Variants in BPNT1 observed in about 807,000 individuals in gnomAD.
BPNT1 encodes the protein 3'(2'), 5'-bisphosphate nucleotidase 1.
BPNT1 carries 28 observed loss-of-function variants against 36.9 expected under a neutral mutation model. The observed-to-expected ratio is 0.76, with a 90% CI of 0.56 to 1.04. BPNT1 has a LOEUF of 1.04. Among genes scored for constraint, BPNT1 ranks in the 50% least tolerant of loss-of-function variants. BPNT1 has a pLI of 0.00. For synonymous variants in BPNT1, 119 were observed against 130.9 expected, an observed-to-expected ratio of 0.91 and a Z score of 0.62; for missense variants, 313 against 372.9, an observed-to-expected ratio of 0.84 and a Z score of 1.32.
intron 7 of BPNT1, among the ~76,000 whole-genome samples, chr1:220,060,950 CT>C (rs1447953165): frequency 6.6e-6 from 1 of 152,092 alleles, no homozygotes; most frequent in Non-Finnish European, 1.5e-5. Flanking sequence ...TTGGGTTTGT[CT>C]AAAGACCTGG....
chr1:220,082,189 T>TAC (rs1655238190), intron 1 of BPNT1, among the ~76,000 whole-genome samples: 1 of 148,132 alleles, frequency 6.8e-6, no homozygotes, highest in African/African-American at 2.5e-5. Flanking sequence ...TTTATATATA[T>TAC]ATATATTTTG....
At position 220,058,799 on chromosome 1, in the gene BPNT1, G is replaced by A; in HGVS notation, c.*45C>T. On this transcript the variant is annotated 3_prime_UTR_variant, in exon 9 of 9. Transcript: ENST00000322067. ...CTGCCTCGGCCTCCCAAAGTGCTGG[G>A]ATTACAGGCATGAGCCACCGCGCCC... 6.3e-7 allele frequency: 1 copy of A among 1,582,488 alleles called. No individual in the cohort carries two copies. The highest frequency in any genetic ancestry group is 2.2e-5 in the East Asian group (1 of 44,500).
Position 220,059,004 on chromosome 1 carries a change from CATCA to C in BPNT1, c.779-16_779-13del, listed in dbSNP as rs1330057623. 1.2e-6 allele frequency: 2 copies of C among 1,612,440 alleles called. No individual in the cohort carries two copies. Among genetic ancestry groups the C allele is most frequent in the Non-Finnish European group, 1.7e-6 (2 of 1,179,110 alleles). On this transcript the variant is annotated splice_polypyrimidine_tract_variant and intron_variant, in intron 8 of 8. Coordinates refer to ENST00000322067, the MANE Select transcript of BPNT1 (RefSeq NM_006085.6). ...ATCGGTTAACTTGCCTATAGAAAAA[CATCA>C]ATCAATCAATCAAGTTAGTGGCTAA...
chr1:220,079,383 G>T (rs1397215232), intron 2 of BPNT1, among the ~76,000 whole-genome samples: 1 of 152,050 alleles, frequency 6.6e-6, no homozygotes, highest in East Asian at 1.9e-4. Flanking sequence ...CTCCCAAGTA[G>T]CTGGGATTAC....
chr1:220,074,183 A>C (rs1469162972), intron 2 of BPNT1, 112 bp from the exon 3 acceptor site: 3 of 914,496 alleles, frequency 3.3e-6, no homozygotes, highest in Non-Finnish European at 5.0e-6. Context: ...TTTTAGAGTC[A>C]TAGAACTTAA....
At chr1:220,073,189 A>C (rs1448207346) in intron 3 of BPNT1, among the ~76,000 whole-genome samples, 2 of 152,266 alleles carry the variant, frequency 1.3e-5, no homozygotes, top group Non-Finnish European at 2.9e-5. Context: ...GAGTTTAAAA[A>C]GAAAAGAATT....
At position 220,057,576 on chromosome 1, in the gene BPNT1, T is replaced by C. The variant is rs1340259710; in HGVS notation, c.*1268A>G. The C allele has an allele frequency of 1.0e-5, 2 of 191,930 alleles. No homozygotes were observed. The highest frequency in any genetic ancestry group is 1.1e-5 in the Non-Finnish European group (1 of 90,562). The allele number at this position is 191,930 out of a possible 1,614,324, so 11.9% of individuals were successfully genotyped here. A position where few individuals can be genotyped will look rare whatever the true frequency, so the allele number is the denominator to read the frequency against. On this transcript the variant is annotated 3_prime_UTR_variant, in exon 9 of 9. Transcript: ENST00000322067. ...TTAGCAGAATAATTTTAATAGTTTA[T>C]GTTATAATCTCTCATTGGAAGGAAT...
At chr1:220,060,435 C>T (rs1373634368) in intron 7 of BPNT1, among the ~76,000 whole-genome samples, 2 of 151,984 alleles carry the variant, frequency 1.3e-5, no homozygotes, top group African/African-American at 4.8e-5. Context: ...AAGACTGCAC[C>T]ACTTCACTCC....
chr1:220,084,910 C>G (rs1217344362), intron 1 of BPNT1, among the ~76,000 whole-genome samples: 1 of 151,778 alleles, frequency 6.6e-6, no homozygotes, highest in Non-Finnish European at 1.5e-5. Context: ...AAAGAGATTC[C>G]ACAAATCACT....
intron 1 of BPNT1, among the ~76,000 whole-genome samples, chr1:220,084,291 C>A (rs1360954900): frequency 6.6e-6 from 1 of 151,284 alleles, no homozygotes; most frequent in Non-Finnish European, 1.5e-5. Context: ...GAGATTGCGG[C>A]CACTACACTC....
At chr1:220,062,606 G>C (rs914737921) in intron 7 of BPNT1, 151 bp downstream of exon 7, 2 of 755,280 alleles carry the variant, frequency 2.6e-6, no homozygotes, top group Admixed American at 2.6e-5. Flanking sequence ...ATAAACATAC[G>C]TGTGCATGTG....
intron 1 of BPNT1, among the ~76,000 whole-genome samples, chr1:220,081,753 G>A (rs1367963271): frequency 6.6e-6 from 1 of 151,870 alleles, no homozygotes; most frequent in African/African-American, 2.4e-5. Context: ...GAGATTTAAA[G>A]GCCATTTCCT....
At chr1:220,066,252 G>C (rs1663523864) in intron 6 of BPNT1, 1 of 494,442 alleles carries the variant, frequency 2.0e-6, no homozygotes, top group Non-Finnish European at 3.4e-6. Context: ...TGCCCCTTTT[G>C]AAAGTAATAG....
At chr1:220,073,293 T>G (rs1269793268) in intron 3 of BPNT1, among the ~76,000 whole-genome samples, 4 of 152,054 alleles carry the variant, frequency 2.6e-5, no homozygotes, top group Non-Finnish European at 4.4e-5. Flanking sequence ...TTTCTTTTTT[T>G]ATTTTTTTTT....
At position 220,062,894 on chromosome 1, in the gene BPNT1, C is replaced by T. The variant is rs1452645227; in HGVS notation, c.535G>A (p.Gly179Arg). 1 of 1,614,126 alleles carries T rather than the reference C, an allele frequency of 6.2e-7. No homozygotes were observed. Among genetic ancestry groups the T allele is most frequent in the Admixed American group, 1.7e-5 (1 of 59,998 alleles). The change falls in exon 7 of 9, where the codon GGG (glycine) becomes AGG (arginine). Residue 179 changes from glycine to arginine, a missense_variant. Gly to Arg is a moderately radical substitution (Grantham distance 125). Coordinates refer to ENST00000322067, the MANE Select transcript of BPNT1 (RefSeq NM_006085.6). ...IWGVLGLGAF[G>R]FQLKEVPAGK... is the part of the protein sequence containing the mutation. ...GCAGGGACTTCTTTCAGCTGAAACC[C>T]AAAGGCGCCTAAACCTAAAACTCCC...
intron 7 of BPNT1, among the ~76,000 whole-genome samples, chr1:220,061,129 T>C (rs1051800244): frequency 6.6e-6 from 1 of 152,150 alleles, no homozygotes; most frequent in African/African-American, 2.4e-5. Context: ...AAGAGCTAGC[T>C]ATGTTAATAG....
At position 220,081,542 on chromosome 1, in the gene BPNT1, C is replaced by CA. The variant is rs961741061; in HGVS notation, c.-8-1689dup. The stretch of plus-strand genomic sequence containing the variant: ...TGGGCGATAGAGCGAGAGTCCGTCT[C>CA]AAAAAAAAAAAAGAAAATATGAATT... On this transcript the variant is annotated intron_variant, in intron 1 of 8. Transcript: ENST00000322067. 5.7e-4 allele frequency among the ~76,000 whole-genome samples: 77 copies of CA among 135,288 alleles called. 1 individual carries two copies. Among genetic ancestry groups the CA allele is most frequent in the South Asian group, 1.7e-3 (7 of 4,210 alleles). The allele number at this position is 135,288 out of a possible 152,430, so 88.8% of individuals were successfully genotyped here.
At chr1:220,073,924 T>C (rs759583480) in intron 3 of BPNT1, 43 bp downstream of exon 3, 1 of 1,517,336 alleles carries the variant, frequency 6.6e-7, no homozygotes, top group South Asian at 1.1e-5. Context: ...TAAATCCATT[T>C]GGTAAACAGA....
Position 220,079,765 on chromosome 1 carries a change from G to A in BPNT1, c.82C>T (p.Arg28Cys), listed in dbSNP as rs923244369. ...IAQKAGMIVRRVIAEGDLGIV... is the reference protein window; with the variant it reads ...IAQKAGMIVRCVIAEGDLGIV... ...CCCAGGTCTCCTTCAGCAATAACAC[G>A]TCTGACTATCATTCCTGCCTTTTGA... The change falls in exon 2 of 9, where the codon CGT (arginine) becomes TGT (cysteine). Residue 28 changes from arginine (R) to cysteine (C), a missense_variant. Coordinates refer to ENST00000322067, the MANE Select transcript of BPNT1 (RefSeq NM_006085.6). 6.2e-6 allele frequency: 10 copies of A among 1,614,082 alleles called. No homozygotes were observed. Among genetic ancestry groups the A allele is most frequent in the South Asian group, 1.1e-5 (1 of 91,082 alleles).
Sources: gnomAD v4.1 joint callset for allele counts (sites outside exome capture counted in the v4.1 genomes callset) on GRCh38, gnomAD v4.1.1 for gene constraint, MANE v1.5 for transcripts, NCBI Gene and HGNC (gene_info 2026-07-23, HGNC 2026-07-21) for gene names.